The following CARD10 variants were observed in gnomAD, a reference collection of about 807,000 sequenced individuals.
CARD10 encodes caspase recruitment domain family member 10, also known as caspase recruitment domain-containing protein 10.
Under a neutral mutation model 114.6 loss-of-function variants are expected in CARD10, and 49 were observed. That is an observed-to-expected ratio of 0.43 (90% confidence interval 0.34 to 0.54). The LOEUF is 0.54. CARD10 is among the 20% of genes least tolerant of loss of function. The pLI is 0.03. For missense variants in CARD10, 1,206 were observed against 1,397.2 expected (o/e 0.86, Z 2.18); for synonymous variants, 602 against 593.2 (o/e 1.01, Z -0.21).
chr22:37,517,413 G>A (rs1187850002), intron 2 of CARD10, among the ~76,000 whole-genome samples: 2 of 152,278 alleles, frequency 1.3e-5, no homozygotes, highest in South Asian at 2.1e-4. Context: ...CGAGGCAGGC[G>A]GATCACAAGG....
intron 1 of CARD10, 122 bp downstream of exon 1, chr22:37,518,844 T>C: frequency 8.0e-7 from 1 of 1,246,882 alleles, no homozygotes; most frequent in Non-Finnish European, 1.1e-6. Flanking sequence ...CGGCCCACTC[T>C]ACTGATGCGG....
intron 3 of CARD10, among the ~76,000 whole-genome samples, chr22:37,513,501 C>T (rs1477243867): frequency 6.6e-6 from 1 of 152,140 alleles, no homozygotes; most frequent in Non-Finnish European, 1.5e-5. Flanking sequence ...CTCCGACCAT[C>T]TCTTTTCCAT....
intron 11 of CARD10, among the ~76,000 whole-genome samples, chr22:37,498,664 G>A (rs1923096914): frequency 6.6e-6 from 1 of 152,194 alleles, no homozygotes. Context: ...GCAGGCATGG[G>A]AGGCATCATT....
In CARD10 at chr22:37,496,088, A is replaced by G. The variant is rs751869431; in HGVS notation, c.2060-85T>C. The stretch of plus-strand genomic sequence containing the variant: ...GATCGGCCTTGGTGGGGCCAAAGAC[A>G]TGGCCCTCTCGAGGCCTGAGTTCCC... On this transcript the variant is annotated intron_variant, in intron 13 of 19. Transcript: ENST00000251973. This position sits in a 1 kb window ranked among gnomAD's most constrained non-coding sequence, Gnocchi z 4.1. 52 of 1,532,648 alleles carry G rather than the reference A, an allele frequency of 3.4e-5. No homozygotes were observed. Among genetic ancestry groups the G allele is most frequent in the Non-Finnish European group, 4.1e-5 (46 of 1,130,144 alleles). 94.9% of individuals were successfully genotyped at this position (1,532,648 alleles called of 1,614,324 possible). A position where few individuals can be genotyped will look rare whatever the true frequency, so the allele number is the denominator to read the frequency against.
intron 8 of CARD10, 92 bp downstream of exon 8, chr22:37,504,543 C>A: frequency 6.9e-7 from 1 of 1,456,332 alleles, no homozygotes; most frequent in Non-Finnish European, 9.1e-7. Context: ...GTGTCCTCAC[C>A]TGTGAAATGG....
chr22:37,491,623 A>AAGGGGG, intron 19 of CARD10, 132 bp downstream of exon 19: 4 of 124,664 alleles, frequency 3.2e-5, no homozygotes, highest in Middle Eastern at 2.2e-3. Context: ...GGGGAGGGAG[A>AAGGGGG]GAGGGGGAAG....
Position 37,491,279 on chromosome 22 carries a change from C to T in CARD10, c.2979G>A (p.Glu993=). 3.8e-6 allele frequency: 6 copies of T among 1,570,520 alleles called. No homozygotes were observed. The South Asian group carries it at 7.0e-5, about 18-fold the overall frequency. Residue 993 remains glutamate (E), a synonymous_variant, in exon 20 of 20, where the codon GAG becomes GAA. Transcript: ENST00000251973. ...PCSWVQVPAH[E]WGHAEELAKV... ...TGGCCAGCTCCTCTGCGTGTCCCCA[C>T]TCATGGGCGGGCACCTGCACCCAGG...
chr22:37,491,503 C>A (rs953848199), intron 19 of CARD10, 110 bp from the exon 20 acceptor site: 1 of 560,640 alleles, frequency 1.8e-6, no homozygotes, highest in Non-Finnish European at 2.6e-6. Flanking sequence ...AGATGGACAA[C>A]CAAAGAGAGA....
chr22:37,504,582 T>C (rs1224364244), intron 8 of CARD10, 53 bp downstream of exon 8: 3 of 1,455,908 alleles, frequency 2.1e-6, no homozygotes, highest in Non-Finnish European at 2.7e-6. Context: ...TCCACATTAG[T>C]AATAATGCTA....
intron 2 of CARD10, among the ~76,000 whole-genome samples, chr22:37,517,197 C>T (rs1172599772): frequency 1.3e-5 from 2 of 152,190 alleles, no homozygotes; most frequent in Non-Finnish European, 1.5e-5. Context: ...TGAATTATGT[C>T]CTAACTTCAC....
At chr22:37,509,163 AAC>A (rs1347196682) in intron 4 of CARD10, 1 of 1,456,680 alleles carries the variant, frequency 6.9e-7, no homozygotes, top group Non-Finnish European at 9.1e-7. Context: ...AACCCCATGA[AAC>A]ACACTGGCTC....
intron 19 of CARD10, 46 bp downstream of exon 19, chr22:37,491,709 T>C (rs773194821): frequency 2.1e-6 from 2 of 932,660 alleles, no homozygotes; most frequent in African/African-American, 2.0e-5. Context: ...AGGAGGAAGC[T>C]CTCAGGTCCG....
chr22:37,497,065 C>G lies in CARD10; in HGVS notation c.1901G>C (p.Arg634Pro). The G allele has an allele frequency of 6.2e-7, 1 of 1,614,114 alleles. No homozygotes were observed. Among genetic ancestry groups the G allele is most frequent in the Non-Finnish European group, 8.5e-7 (1 of 1,180,020 alleles). ...GGACCCAGGCCCAGACAGCACCCTG[C>G]GCACCACAGCCCCAGACCATCTGTC... ...YGDRWSGAVVRRVLSGPGSAR... is the reference protein window; with the variant it reads ...YGDRWSGAVVPRVLSGPGSAR... Residue 634 changes from arginine (R) to proline (P), a missense_variant, in exon 12 of 20, where the codon CGC (arginine) becomes CCC (proline). Around this residue, in one of 2 missense-constraint regions of CARD10, gnomAD observed 1,068 missense variants for 1,179.1 expected, o/e 0.91. Transcript: ENST00000251973.
rs1423914421 is a variant in CARD10, at chr22:37,496,754, A to T, written c.1948-194T>A. ...ACGCCCCCATCCACAGGACTCCCCAACCCGCCCAGCTCATCCAGGTCTTTC... is the reference window on the plus strand; with the variant it reads ...ACGCCCCCATCCACAGGACTCCCCATCCCGCCCAGCTCATCCAGGTCTTTC... On this transcript the variant is annotated intron_variant, in intron 12 of 19. Coordinates refer to ENST00000251973, the MANE Select transcript of CARD10 (RefSeq NM_014550.4). This position sits in a 1 kb window ranked among gnomAD's most constrained non-coding sequence, Gnocchi z 4.1. 2 of 629,776 alleles carry T rather than the reference A, an allele frequency of 3.2e-6. No homozygotes were observed. The highest frequency in any genetic ancestry group is 5.5e-6 in the Non-Finnish European group (2 of 364,972). The allele number at this position is 629,776 out of a possible 1,614,324, so 39.0% of individuals were successfully genotyped here. A position where few individuals can be genotyped will look rare whatever the true frequency, so the allele number is the denominator to read the frequency against.
intron 3 of CARD10, among the ~76,000 whole-genome samples, chr22:37,515,266 G>T (rs1923798169): frequency 6.6e-6 from 1 of 152,150 alleles, no homozygotes; most frequent in African/African-American, 2.4e-5. Flanking sequence ...TTGAAACTGT[G>T]TCTTAAACTC....
At chr22:37,512,727 G>A (rs1258234270) in intron 3 of CARD10, among the ~76,000 whole-genome samples, 1 of 152,106 alleles carries the variant, frequency 6.6e-6, no homozygotes, top group Non-Finnish European at 1.5e-5. Context: ...AGGGCCTCCT[G>A]CCTGACCCCT....
Position 37,497,150 on chromosome 22 carries a change from T to G in CARD10, c.1816A>C (p.Ser606Arg), listed in dbSNP as rs1471866856. 3.7e-6 allele frequency: 6 copies of G among 1,613,766 alleles called. No individual in the cohort carries two copies. Among genetic ancestry groups the G allele is most frequent in the Non-Finnish European group, 4.2e-6 (5 of 1,179,894 alleles). The part of the protein sequence containing the change: ...RSLAIRVSGR[S>R]PPGGPEPQDK... Reference sequence around the variant, plus strand: ...TGCGGCTCTGGGCCCCCTGGGGGGCTCCGGCCAGACACCCGAATAGCCAGA... The same window carrying G: ...TGCGGCTCTGGGCCCCCTGGGGGGCGCCGGCCAGACACCCGAATAGCCAGA... The change falls in exon 12 of 20, where the codon AGC (serine) becomes CGC (arginine). Residue 606 changes from serine to arginine, a missense_variant. Around this residue, in one of 2 missense-constraint regions of CARD10, gnomAD observed 1,068 missense variants for 1,179.1 expected, o/e 0.91. Coordinates refer to ENST00000251973, the MANE Select transcript of CARD10 (RefSeq NM_014550.4).
chr22:37,499,079 G>A (rs546403920), intron 11 of CARD10, among the ~76,000 whole-genome samples: 1 of 152,116 alleles, frequency 6.6e-6, no homozygotes, highest in East Asian at 1.9e-4. Context: ...CCCCCACCCC[G>A]CTCCCGCCAC....
rs375105707 is a variant in CARD10 at position 37,507,808 on chromosome 22, G to A, written c.1191+21C>T. ...GAAGCAGCAACTGGCCCAGGGCCTC[G>A]TACACGCAGGCTGGGCTCACCTGGT... On this transcript the variant is annotated intron_variant, in intron 6 of 19. Transcript: ENST00000251973. 24 of 1,613,720 alleles carry A rather than the reference G, an allele frequency of 1.5e-5. No homozygotes were observed. The East Asian group carries it at 2.0e-4, about 13-fold the overall frequency.
Sources: allele counts gnomAD v4.1 joint callset (sites outside exome capture counted in the v4.1 genomes callset), GRCh38; gene constraint gnomAD v4.1.1; regional missense constraint gnomAD v4.1.1; non-coding constraint Gnocchi (gnomAD v3.1); transcripts MANE v1.5; gene names NCBI Gene and HGNC (gene_info 2026-07-23, HGNC 2026-07-21).